The following UNC13C variants were observed in gnomAD, a reference collection of about 807,000 sequenced individuals.
The protein encoded by UNC13C is unc-13 homolog C.
A neutral mutation model predicts 245.4 loss-of-function variants in UNC13C; 174 were observed. The observed-to-expected ratio is 0.71, with a 90% CI of 0.63 to 0.80. The LOEUF (loss-of-function observed/expected upper bound fraction) is 0.80. Ranked by LOEUF, UNC13C falls within the 30% of genes least tolerant of loss-of-function variation. The probability of loss-of-function intolerance (pLI) is 0.00; values close to 1 mark genes in which losing one functional copy is unlikely to be tolerated. For missense variants in UNC13C, 2,829 were observed against 2,602.9 expected (o/e 1.09, Z -1.89); for synonymous variants, 992 against 895.1 (o/e 1.11, Z -1.93).
At chr15:54,313,370 T>C (rs2037924085) in intron 13 of UNC13C, among the ~76,000 whole-genome samples, 1 of 151,862 alleles carries the variant, frequency 6.6e-6, no homozygotes, top group African/African-American at 2.4e-5. Flanking sequence ...TACTTTAATT[T>C]GTTTTAATTA....
chr15:53,990,624 G>A (rs979909689), intron 1 of UNC13C, among the ~76,000 whole-genome samples: 3 of 151,772 alleles, frequency 2.0e-5, no homozygotes, highest in Non-Finnish European at 4.4e-5. Context: ...TTATACTTTC[G>A]CTTTTATAGT....
intron 29 of UNC13C, among the ~76,000 whole-genome samples, chr15:54,567,059 T>G (rs1479594964): frequency 1.3e-5 from 2 of 152,092 alleles, no homozygotes; most frequent in Non-Finnish European, 2.9e-5. Flanking sequence ...CTAGACAGTC[T>G]GCATTTCCAA....
intron 19 of UNC13C, among the ~76,000 whole-genome samples, chr15:54,427,358 C>T (rs1249239191): frequency 6.6e-6 from 1 of 151,686 alleles, no homozygotes. Flanking sequence ...TTTTCTCTTG[C>T]TTCCACCATG....
chr15:54,385,665 G>T (rs549961677), intron 17 of UNC13C, among the ~76,000 whole-genome samples: 2 of 152,046 alleles, frequency 1.3e-5, no homozygotes, highest in South Asian at 4.2e-4. Context: ...ACTATACTTA[G>T]CAATAATATT....
chr15:54,431,802 C>T (rs138228492), intron 19 of UNC13C, among the ~76,000 whole-genome samples: 462 of 151,678 alleles, frequency 3.0e-3, no homozygotes, highest in African/African-American at 0.01. Flanking sequence ...TCTTTAAGAT[C>T]ATTTTAAAAA....
chr15:54,520,514 G>T (rs1360540753), intron 24 of UNC13C, among the ~76,000 whole-genome samples: 1 of 152,110 alleles, frequency 6.6e-6, no homozygotes, highest in Non-Finnish European at 1.5e-5. Flanking sequence ...CTTAGCATAT[G>T]GGTGATAATT....
intron 2 of UNC13C, among the ~76,000 whole-genome samples, chr15:54,138,691 G>T (rs1452185498): frequency 6.6e-6 from 1 of 151,786 alleles, no homozygotes; most frequent in African/African-American, 2.4e-5. Flanking sequence ...ATATTTTTTA[G>T]TATTTAAATT....
At chr15:53,873,292 T>G in the UNC13C span, among the ~76,000 whole-genome samples, 1 of 152,150 alleles carries the variant, frequency 6.6e-6, no homozygotes. Flanking sequence ...CTGGGGTTCT[T>G]GCAAAAGATC....
intron 1 of UNC13C, among the ~76,000 whole-genome samples, chr15:53,988,526 G>T (rs2140956357): frequency 6.6e-6 from 1 of 151,962 alleles, no homozygotes; most frequent in South Asian, 2.1e-4. Context: ...ACCATCACAA[G>T]CTCTTGCATC....
At chr15:54,149,411 A>G (rs956027482) in intron 4 of UNC13C, among the ~76,000 whole-genome samples, 3 of 152,210 alleles carry the variant, frequency 2.0e-5, no homozygotes, top group Admixed American at 6.5e-5. Flanking sequence ...TCTACTTATT[A>G]TAAGGGTTAA....
At chr15:54,513,673 T>C (rs1308256398) in intron 24 of UNC13C, among the ~76,000 whole-genome samples, 1 of 152,134 alleles carries the variant, frequency 6.6e-6, no homozygotes, top group African/African-American at 2.4e-5. Flanking sequence ...CCTTCTTCCT[T>C]TAAAACTCTT....
At chr15:53,848,415 G>A in the UNC13C span, among the ~76,000 whole-genome samples, 2 of 152,126 alleles carry the variant, frequency 1.3e-5, no homozygotes, top group South Asian at 2.1e-4. Flanking sequence ...TTTCAAATAT[G>A]TATTTTGGAC....
chr15:53,896,580 C>T, the UNC13C span, among the ~76,000 whole-genome samples: 1 of 151,918 alleles, frequency 6.6e-6, no homozygotes, highest in Non-Finnish European at 1.5e-5. Context: ...ACCCCTAAGC[C>T]TTATGGCAGA....
intron 30 of UNC13C, among the ~76,000 whole-genome samples, chr15:54,598,901 G>A (rs1435520446): frequency 1.3e-5 from 2 of 152,126 alleles, no homozygotes; most frequent in South Asian, 4.1e-4. Flanking sequence ...AACAGTAGGA[G>A]TATTTGTTTT....
At chr15:53,912,408 C>A in the UNC13C span, 1 of 152,178 alleles carries the variant, frequency 6.6e-6, no homozygotes, top group Non-Finnish European at 1.5e-5. Flanking sequence ...TACAGCGGGC[C>A]CTAGCACTGG....
chr15:54,303,146 C>G lies in UNC13C; in HGVS notation c.4268+2773C>G, dbSNP rs143068951. On this transcript the variant is annotated intron_variant, in intron 13 of 32. Transcript: ENST00000260323. ...TAATGGTCATCATCCCTTGTTCATC[C>G]ACATCCAGTAATAGGGAGCTCACTA... 1.3e-4 allele frequency among the ~76,000 whole-genome samples: 20 copies of G among 152,250 alleles called. No individual in the cohort carries two copies. The South Asian group carries it at 3.5e-3, about 27-fold the overall frequency.
intron 2 of UNC13C, among the ~76,000 whole-genome samples, chr15:54,105,445 C>G (rs1009612357): frequency 6.6e-6 from 1 of 152,164 alleles, no homozygotes; most frequent in African/African-American, 2.4e-5. Flanking sequence ...TAGACCCTTT[C>G]CCATTCTCTT....
chr15:54,313,664 A>G (rs1206122690), intron 13 of UNC13C, among the ~76,000 whole-genome samples: 2 of 151,846 alleles, frequency 1.3e-5, no homozygotes, highest in Non-Finnish European at 2.9e-5. Flanking sequence ...TTGGGGAATA[A>G]GTCAAACAAA....
At chr15:54,476,817 T>G (rs1892770287) in intron 19 of UNC13C, among the ~76,000 whole-genome samples, 1 of 151,188 alleles carries the variant, frequency 6.6e-6, no homozygotes, top group African/African-American at 2.4e-5. Flanking sequence ...CATATGAACT[T>G]TAAAGTAATT....
Sources: gnomAD v4.1 joint callset for allele counts (sites outside exome capture counted in the v4.1 genomes callset) on GRCh38, gnomAD v4.1.1 for gene constraint, MANE v1.5 for transcripts, NCBI Gene and HGNC (gene_info 2026-07-23, HGNC 2026-07-21) for gene names.